RGL3: variants seen among roughly 807,000 people sequenced by gnomAD.
RGL3 encodes ral guanine nucleotide dissociation stimulator-like 3.
In RGL3, 85 loss-of-function variants were observed where a neutral mutation model predicts 90.6. The observed-to-expected ratio is 0.94, with a 90% CI of 0.79 to 1.12. The LOEUF is 1.12. Ranked by LOEUF, RGL3 falls within the 50% of genes most tolerant of loss-of-function variation. The pLI, the probability that RGL3 is intolerant of heterozygous loss-of-function variation, is 0.00. For missense variants in RGL3, 1,034 were observed against 939.2 expected (o/e 1.10, Z -1.32); for synonymous variants, 408 against 385.5 (o/e 1.06, Z -0.68).
chr19:11,401,286 T>G (rs1968670953), intron 13 of RGL3, among the ~76,000 whole-genome samples: 1 of 150,772 alleles, frequency 6.6e-6, no homozygotes, highest in Non-Finnish European at 1.5e-5. Flanking sequence ...GGAACTGCAG[T>G]GGCGTGATTT....
chr19:11,411,866 T>C (rs1300850189), intron 5 of RGL3, among the ~76,000 whole-genome samples: 3 of 152,224 alleles, frequency 2.0e-5, no homozygotes, highest in Non-Finnish European at 4.4e-5. Context: ...CCACCTGCCT[T>C]GGCCTCCCAA....
intron 9 of RGL3, 51 bp downstream of exon 9, chr19:11,405,096 C>G: frequency 6.6e-7 from 1 of 1,511,418 alleles, no homozygotes; most frequent in Non-Finnish European, 9.2e-7. Context: ...CCCCAAGTCC[C>G]TCCCCCGACT....
Position 11,405,244 on chromosome 19 carries a change from G to C in RGL3, c.1101-13C>G. ...AGATAGCGGTTCCCTGGAAGGACAG[G>C]AGAAGGGTGGTCAGGGGTCAGTGGC... On this transcript the variant is annotated splice_polypyrimidine_tract_variant and intron_variant, in intron 8 of 18. Coordinates refer to ENST00000380456, the MANE Select transcript of RGL3 (RefSeq NM_001035223.4). 1 of 1,613,842 alleles carries C rather than the reference G, an allele frequency of 6.2e-7. No homozygotes were observed. Among genetic ancestry groups the C allele is most frequent in the East Asian group, 2.2e-5 (1 of 44,886 alleles).
chr19:11,404,194 C>T (rs1241773389), intron 9 of RGL3, among the ~76,000 whole-genome samples: 1 of 152,120 alleles, frequency 6.6e-6, no homozygotes, highest in Non-Finnish European at 1.5e-5. Context: ...ACGTGCTGTT[C>T]TAGGTGCTGG....
At chr19:11,402,395 G>T in intron 11 of RGL3, 60 bp downstream of exon 11, 1 of 1,565,628 alleles carries the variant, frequency 6.4e-7, no homozygotes, top group South Asian at 1.2e-5. Flanking sequence ...GATATTGGGA[G>T]GCCCATTGTG....
intron 5 of RGL3, 29 bp from the exon 6 acceptor site, chr19:11,406,893 C>T (rs751426995): frequency 1.3e-6 from 2 of 1,593,420 alleles, no homozygotes; most frequent in Non-Finnish European, 1.7e-6. Context: ...TACAAACTCT[C>T]AAGTTTGAAT....
chr19:11,400,001 C>T (rs764568386), intron 15 of RGL3, 39 bp downstream of exon 15: 12 of 1,596,804 alleles, frequency 7.5e-6, no homozygotes, highest in Non-Finnish European at 1.0e-5. Flanking sequence ...GACTCCTGAT[C>T]CCATGATCCC....
chr19:11,419,197 C>A, intron 1 of RGL3, 49 bp downstream of exon 1: 1 of 1,577,830 alleles, frequency 6.3e-7, no homozygotes, highest in South Asian at 1.1e-5. Context: ...AGTTTCTGGA[C>A]CTGCGGGTCA....
At position 11,401,811 on chromosome 19, in the gene RGL3, G is replaced by A. The variant is rs140103814; in HGVS notation, c.1484+200C>T. Among the ~76,000 whole-genome samples, 273 of 152,238 alleles carry A rather than the reference G, an allele frequency of 1.8e-3. 3 individuals carry two copies. The highest frequency in any genetic ancestry group is 6.4e-3 in the African/African-American group (265 of 41,534). The stretch of plus-strand genomic sequence containing the variant: ...ATCCACCCACCTTGGCCTCCCAAGT[G>A]CTGGGATTACACGAGTAAACCACCA... On this transcript the variant is annotated intron_variant, in intron 13 of 18. Transcript: ENST00000380456.
In RGL3 at chr19:11,406,179, C is replaced by A. The variant is rs553129218; in HGVS notation, c.996+240G>T. Among the ~76,000 whole-genome samples the A allele has an allele frequency of 5.1e-4, 77 of 152,240 alleles. 1 individual carries two copies. In the South Asian group the frequency reaches 0.015, roughly 30 times the overall value. ...CTGCCCCTCCAGCCCCTGCCTCCGA[C>A]CTTGACTTCTCCGGTCCGGGCTCCC... is the stretch of plus-strand genomic sequence containing the variant. On this transcript the variant is annotated intron_variant, in intron 7 of 18. Coordinates refer to ENST00000380456, the MANE Select transcript of RGL3 (RefSeq NM_001035223.4).
chr19:11,414,197 T>TATATATATATACACCTATATATATATACC (rs1968928949), intron 5 of RGL3, among the ~76,000 whole-genome samples: 5 of 65,248 alleles, frequency 7.7e-5, no homozygotes, highest in African/African-American at 3.2e-4. Context: ...ATATATACCT[T>TATATATATATACACCTATATATATATACC]TATATATATA....
Position 11,400,050 on chromosome 19 carries a change from G to A in RGL3, c.1639C>T (p.Pro547Ser). Reference protein sequence around the residue: ...PSGSPGDPSSPTSSVSPGSPP... With the variant: ...PSGSPGDPSSSTSSVSPGSPP... ...AAGCAGAATGCTCACCTGGAGGTGG[G>A]GGATGAGGGGTCCCCGGGACTCCCA... is the stretch of plus-strand genomic sequence containing the variant. The change falls in exon 15 of 19, where the codon CCC becomes TCC. Residue 547 changes from proline to serine, a missense_variant. By Grantham distance (74) the Pro-to-Ser change is moderately conservative (BLOSUM62 -1). Transcript: ENST00000380456. 1 of 1,607,416 alleles carries A rather than the reference G, an allele frequency of 6.2e-7. No individual in the cohort carries two copies. The highest frequency in any genetic ancestry group is 2.2e-5 in the East Asian group (1 of 44,682).
chr19:11,396,092 C>T (rs1436245821), intron 18 of RGL3, among the ~76,000 whole-genome samples: 5 of 135,434 alleles, frequency 3.7e-5, no homozygotes, highest in Non-Finnish European at 6.2e-5. Context: ...TGCCACCATG[C>T]TCAGCTAATC....
chr19:11,402,552 C>G lies in RGL3; in HGVS notation c.1243-11G>C. Reference sequence around the variant, plus strand: ...GCCTGGGGGTGGTTTCTGCAGCCCCCAAAGCTCCAGTCACTTGGGGCCATT... The same window carrying G: ...GCCTGGGGGTGGTTTCTGCAGCCCCGAAAGCTCCAGTCACTTGGGGCCATT... On this transcript the variant is annotated splice_polypyrimidine_tract_variant and intron_variant, in intron 10 of 18. Coordinates refer to ENST00000380456, the MANE Select transcript of RGL3 (RefSeq NM_001035223.4). The G allele has an allele frequency of 6.2e-7, 1 of 1,605,846 alleles. No individual in the cohort carries two copies. Among genetic ancestry groups the G allele is most frequent in the Non-Finnish European group, 8.5e-7 (1 of 1,177,672 alleles).
chr19:11,406,982 T>A, intron 5 of RGL3, 118 bp from the exon 6 acceptor site: 1 of 1,067,282 alleles, frequency 9.4e-7, no homozygotes, highest in Non-Finnish European at 1.3e-6. Context: ...AACGGAGAGC[T>A]CTCTTAAATT....
chr19:11,410,553 A>T (rs1968857411), intron 5 of RGL3, among the ~76,000 whole-genome samples: 1 of 151,890 alleles, frequency 6.6e-6, no homozygotes, highest in Admixed American at 6.6e-5. Flanking sequence ...ATCCTGATGC[A>T]CACCTGCTGT....
Position 11,406,810 on chromosome 19 carries a change from T to G in RGL3, c.692A>C (p.Glu231Ala). ...TTGAGGCATGAGCCCTTCCTCTTCC[T>G]CCGCGCAGGCCTCTGAAGAGTCTGG... Reference protein sequence around the residue: ...SDPDSSEACAEEEEGLMPQGP... With the variant: ...SDPDSSEACAAEEEGLMPQGP... Residue 231 changes from glutamate to alanine, a missense_variant, in exon 6 of 19, where the codon GAG (glutamate) becomes GCG (alanine). Transcript: ENST00000380456. The G allele has an allele frequency of 6.3e-7, 1 of 1,593,178 alleles. No individual in the cohort carries two copies. Among genetic ancestry groups the G allele is most frequent in the Non-Finnish European group, 8.6e-7 (1 of 1,161,636 alleles).
chr19:11,405,490 TCATC>T, intron 7 of RGL3, 64 bp from the exon 8 acceptor site: 1 of 338,478 alleles, frequency 3.0e-6, no homozygotes. Context: ...TGAAACTTCT[TCATC>T]TTTTTTTTTT....
chr19:11,399,688 A>C (rs920740832), intron 16 of RGL3, among the ~76,000 whole-genome samples, 167 bp downstream of exon 16: 1 of 152,182 alleles, frequency 6.6e-6, no homozygotes, highest in Non-Finnish European at 1.5e-5. Context: ...AGGGCCGTGC[A>C]GATGCATGCA....
Sources: gnomAD v4.1 joint callset for allele counts (sites outside exome capture counted in the v4.1 genomes callset) on GRCh38, gnomAD v4.1.1 for gene constraint, MANE v1.5 for transcripts, NCBI Gene and HGNC (gene_info 2026-07-23, HGNC 2026-07-21) for gene names.